BNC2: variants seen among roughly 807,000 people sequenced by gnomAD.
BNC2 encodes the protein zinc finger protein basonuclin-2.
BNC2 carries 20 observed loss-of-function variants against 76.3 expected under a neutral mutation model. The observed-to-expected ratio is 0.26, with a 90% CI of 0.18 to 0.38. BNC2 has a LOEUF of 0.38. BNC2 is among the 10% of genes least tolerant of loss of function. BNC2 has a pLI of 1.00. For synonymous variants in BNC2, 582 were observed against 514.8 expected (o/e 1.13, Z -1.77); for missense variants, 1,382 against 1,399.8 (o/e 0.99, Z 0.20).
At chr9:16,796,665 GAAA>G (rs1817662550) in intron 1 of BNC2, among the ~76,000 whole-genome samples, 1 of 151,686 alleles carries the variant, frequency 6.6e-6, no homozygotes, top group Non-Finnish European at 1.5e-5. Flanking sequence ...AAAAAAGAAA[GAAA>G]AGAAGAGAAA....
chr9:16,445,282 C>T (rs1247558183), intron 5 of BNC2, among the ~76,000 whole-genome samples: 1 of 152,212 alleles, frequency 6.6e-6, no homozygotes, highest in Non-Finnish European at 1.5e-5. Context: ...CGCTAGCATA[C>T]ACAATATACA....
intron 3 of BNC2, among the ~76,000 whole-genome samples, chr9:16,636,124 T>C (rs1027096055): frequency 6.6e-6 from 1 of 152,130 alleles, no homozygotes; most frequent in Non-Finnish European, 1.5e-5. Flanking sequence ...ATGGAGACTG[T>C]TAAGATGAGT....
intron 3 of BNC2, among the ~76,000 whole-genome samples, chr9:16,661,573 G>C (rs867829938): frequency 3.9e-5 from 6 of 152,090 alleles, no homozygotes; most frequent in South Asian, 2.1e-4. Context: ...TGCACTCAGG[G>C]ATTCCCTCCA....
chr9:16,744,271 G>A (rs4961747), intron 1 of BNC2, among the ~76,000 whole-genome samples: 36,031 of 152,042 alleles, frequency 0.24, 5,161 homozygotes, highest in East Asian at 0.75. Context: ...GCCTGGCCTA[G>A]ACTGCAGTTT....
At chr9:16,651,966 C>G (rs1413544059) in intron 3 of BNC2, among the ~76,000 whole-genome samples, 1 of 152,148 alleles carries the variant, frequency 6.6e-6, no homozygotes, top group African/African-American at 2.4e-5. Context: ...CTAATCTATT[C>G]TATGCATTAT....
intron 1 of BNC2, among the ~76,000 whole-genome samples, chr9:16,858,892 C>G (rs565721210): frequency 2.0e-5 from 3 of 151,234 alleles, no homozygotes; most frequent in African/African-American, 7.3e-5. Flanking sequence ...GCTGCAAAAG[C>G]AAAGGAAACA....
chr9:16,525,505 C>A (rs1252026869), intron 5 of BNC2, among the ~76,000 whole-genome samples: 3 of 152,084 alleles, frequency 2.0e-5, no homozygotes, highest in African/African-American at 4.8e-5. Flanking sequence ...GGATGGTAAA[C>A]CTTACTCATT....
At chr9:16,658,091 A>G (rs1227982289) in intron 3 of BNC2, among the ~76,000 whole-genome samples, 1 of 152,202 alleles carries the variant, frequency 6.6e-6, no homozygotes, top group African/African-American at 2.4e-5. Context: ...GGAGATCCTA[A>G]TTTACTAATT....
At chr9:16,664,421 T>A (rs576950262) in intron 3 of BNC2, among the ~76,000 whole-genome samples, 1 of 152,264 alleles carries the variant, frequency 6.6e-6, no homozygotes, top group East Asian at 1.9e-4. Context: ...GAAATTCCAC[T>A]ACAATTGCAT....
chr9:16,536,074 C>T, intron 5 of BNC2, among the ~76,000 whole-genome samples: 1 of 152,102 alleles, frequency 6.6e-6, no homozygotes, highest in East Asian at 1.9e-4. Flanking sequence ...CCAGCTGACC[C>T]ACAGACTTGT....
chr9:16,552,798 G>T, intron 4 of BNC2, 33 bp from the exon 5 acceptor site: 1 of 1,544,590 alleles, frequency 6.5e-7, no homozygotes. Flanking sequence ...CCAGAGATGG[G>T]GGTGTTGGGA....
intron 1 of BNC2, among the ~76,000 whole-genome samples, chr9:16,780,778 C>T (rs1826131655): frequency 1.3e-5 from 2 of 152,062 alleles, no homozygotes; most frequent in African/African-American, 4.8e-5. Flanking sequence ...CCCCTGTAAA[C>T]CAAGTGGCTT....
At chr9:16,688,140 G>A in intron 3 of BNC2, among the ~76,000 whole-genome samples, 1 of 152,106 alleles carries the variant, frequency 6.6e-6, no homozygotes. Flanking sequence ...ACGGTTCATG[G>A]TCTAAAAATA....
intron 1 of BNC2, among the ~76,000 whole-genome samples, chr9:16,823,225 A>T (rs1818380948): frequency 6.6e-6 from 1 of 152,198 alleles, no homozygotes; most frequent in Non-Finnish European, 1.5e-5. Flanking sequence ...TTTCTAACCA[A>T]CAAATTCTTT....
At chr9:16,741,462 A>G (rs566980203) in intron 1 of BNC2, among the ~76,000 whole-genome samples, 4 of 152,098 alleles carry the variant, frequency 2.6e-5, no homozygotes, top group Non-Finnish European at 2.9e-5. Context: ...TCAAAAAAAA[A>G]AAATGAAACT....
intron 3 of BNC2, among the ~76,000 whole-genome samples, chr9:16,709,000 G>A (rs560252077): frequency 6.6e-6 from 1 of 152,276 alleles, no homozygotes; most frequent in South Asian, 2.1e-4. Context: ...ATCTATCTGT[G>A]TCAGCGATTT....
chr9:16,711,969 T>C (rs992554429), intron 3 of BNC2, among the ~76,000 whole-genome samples: 2 of 152,298 alleles, frequency 1.3e-5, no homozygotes, highest in Non-Finnish European at 2.9e-5. Flanking sequence ...TGGCAAATCA[T>C]TTAGGAAAGT....
chr9:16,849,337 G>A (rs1421794446), intron 1 of BNC2, among the ~76,000 whole-genome samples: 1 of 146,974 alleles, frequency 6.8e-6, no homozygotes, highest in Non-Finnish European at 1.5e-5. Flanking sequence ...TAGATCTGCA[G>A]ATTCCATGCA....
At chr9:16,812,254 T>C (rs1341232849) in intron 1 of BNC2, among the ~76,000 whole-genome samples, 2 of 152,226 alleles carry the variant, frequency 1.3e-5, no homozygotes, top group East Asian at 3.9e-4. Flanking sequence ...TTGGTGGTGC[T>C]TGCGCTGGGG....
Sources: allele counts gnomAD v4.1 joint callset (sites outside exome capture counted in the v4.1 genomes callset), GRCh38; gene constraint gnomAD v4.1.1; transcripts MANE v1.5; gene names NCBI Gene and HGNC (gene_info 2026-07-23, HGNC 2026-07-21).